Variants in SIAH3 observed in about 807,000 individuals in gnomAD.
The protein encoded by SIAH3 is siah E3 ubiquitin protein ligase family member 3.
A neutral mutation model predicts 12.6 loss-of-function variants in SIAH3; 9 were observed. That is an observed-to-expected ratio of 0.72 (90% confidence interval 0.43 to 1.25). The LOEUF (loss-of-function observed/expected upper bound fraction) is 1.25. SIAH3 is among the 50% of genes most tolerant of loss of function. The pLI, the probability that SIAH3 is intolerant of heterozygous loss-of-function variation, is 0.00. For synonymous variants in SIAH3, 154 were observed against 151.1 expected, an observed-to-expected ratio of 1.02 and a Z score of -0.14; for missense variants, 390 against 365.4, an observed-to-expected ratio of 1.07 and a Z score of -0.55.
rs377062538 is a variant in SIAH3, at chr13:45,815,474, G to T, written c.136-31417C>A. Among the ~76,000 whole-genome samples, 3 of 152,252 alleles carry T rather than the reference G, an allele frequency of 2.0e-5. 1 individual carries two copies. In the East Asian group the frequency reaches 5.8e-4, roughly 29 times the overall value. On this transcript the variant is annotated intron_variant, in intron 1 of 1. Transcript: ENST00000400405. The stretch of plus-strand genomic sequence containing the variant: ...CCTGCCTGCCTGTTCTGTGGACTTT[G>T]AACTTACCAGGATCGCATGAGCCAA...
At chr13:45,839,423 C>A (rs2137582013) in intron 1 of SIAH3, among the ~76,000 whole-genome samples, 1 of 152,248 alleles carries the variant, frequency 6.6e-6, no homozygotes, top group South Asian at 2.1e-4. Context: ...ACCAGGTAAC[C>A]CATTTCTTAA....
At chr13:45,795,664 A>G (rs931267163) in intron 1 of SIAH3, among the ~76,000 whole-genome samples, 5 of 152,164 alleles carry the variant, frequency 3.3e-5, no homozygotes, top group Admixed American at 3.3e-4. Context: ...CATCCATGAA[A>G]CTGTGGCAGG....
At chr13:45,848,144 G>A (rs925030457) in intron 1 of SIAH3, among the ~76,000 whole-genome samples, 1 of 152,206 alleles carries the variant, frequency 6.6e-6, no homozygotes, top group Admixed American at 6.5e-5. Flanking sequence ...CCTGAAGTCT[G>A]CTCGTCACAT....
At chr13:45,851,415 G>A in intron 1 of SIAH3, 80 bp downstream of exon 1, 3 of 1,585,174 alleles carry the variant, frequency 1.9e-6, no homozygotes, top group Non-Finnish European at 2.6e-6. Context: ...GGCTGCACAC[G>A]TTCGCCGGAG....
At chr13:45,813,830 T>C (rs78881601) in intron 1 of SIAH3, among the ~76,000 whole-genome samples, 1 of 152,128 alleles carries the variant, frequency 6.6e-6, no homozygotes, top group Non-Finnish European at 1.5e-5. Flanking sequence ...AATACCATCA[T>C]AAGGGTTCTA....
rs1185400183 is a variant in SIAH3, at chr13:45,851,594, T to C, written c.36A>G (p.Leu12=). The change falls in exon 1 of 2, where the codon TTA becomes TTG. Residue 12 remains leucine, a synonymous_variant. Coordinates refer to ENST00000400405, the MANE Select transcript of SIAH3 (RefSeq NM_198849.3). ...LFFTQCFGAV[L]DLIHLRFQHY... ...GCTGAAACCGGAGATGAATGAGATCTAATACAGCCCCAAAGCACTGGGTAA... is the reference window on the plus strand; with the variant it reads ...GCTGAAACCGGAGATGAATGAGATCCAATACAGCCCCAAAGCACTGGGTAA... 6.2e-7 allele frequency: 1 copy of C among 1,614,184 alleles called. No homozygotes were observed. Among genetic ancestry groups the C allele is most frequent in the African/African-American group, 1.3e-5 (1 of 75,022 alleles).
At chr13:45,793,565 T>C (rs1950553121) in intron 1 of SIAH3, among the ~76,000 whole-genome samples, 1 of 152,200 alleles carries the variant, frequency 6.6e-6, no homozygotes, top group African/African-American at 2.4e-5. Context: ...TCTTCCCCAC[T>C]GTATCCGAAG....
intron 1 of SIAH3, among the ~76,000 whole-genome samples, chr13:45,803,704 A>G (rs1950589999): frequency 6.6e-6 from 1 of 152,154 alleles, no homozygotes; most frequent in Admixed American, 6.5e-5. Context: ...GAATGATGAG[A>G]AATTACACAG....
intron 1 of SIAH3, among the ~76,000 whole-genome samples, chr13:45,799,513 A>G (rs993993611): frequency 2.0e-5 from 3 of 152,182 alleles, no homozygotes; most frequent in African/African-American, 7.2e-5. Context: ...CACATGCCTC[A>G]TCTCACTTAA....
chr13:45,793,603 G>T (rs1950553223), intron 1 of SIAH3, among the ~76,000 whole-genome samples: 1 of 152,164 alleles, frequency 6.6e-6, no homozygotes, highest in Non-Finnish European at 1.5e-5. Context: ...GAACATGGTA[G>T]GTACCCGGGA....
chr13:45,842,307 A>G (rs1950742813), intron 1 of SIAH3, among the ~76,000 whole-genome samples: 1 of 152,204 alleles, frequency 6.6e-6, no homozygotes, highest in South Asian at 2.1e-4. Flanking sequence ...TGGAGTAATT[A>G]TAATATGCCA....
At chr13:45,811,021 A>G (rs992736261) in intron 1 of SIAH3, among the ~76,000 whole-genome samples, 11 of 152,194 alleles carry the variant, frequency 7.2e-5, no homozygotes, top group Non-Finnish European at 1.0e-4. Context: ...GATTAAGAGA[A>G]TGAGCTTTGG....
rs76229596 is a variant in SIAH3, at chr13:45,838,857, C to T, written c.135+12638G>A. Reference sequence around the variant, plus strand: ...TCCCTCCTTTCTCTGGCTTTTGACCCGGATACATGGCTTGTAGGCATCATC... The same window carrying T: ...TCCCTCCTTTCTCTGGCTTTTGACCTGGATACATGGCTTGTAGGCATCATC... On this transcript the variant is annotated intron_variant, in intron 1 of 1. Transcript: ENST00000400405. 6.8e-3 allele frequency among the ~76,000 whole-genome samples: 1,040 copies of T among 151,948 alleles called. 12 individuals are homozygous for T. The highest frequency in any genetic ancestry group is 0.023 in the African/African-American group (960 of 41,436).
intron 1 of SIAH3, among the ~76,000 whole-genome samples, chr13:45,806,013 A>G (rs1291799225): frequency 6.6e-6 from 1 of 152,194 alleles, no homozygotes; most frequent in African/African-American, 2.4e-5. Flanking sequence ...AATCAAAACC[A>G]CAATGAGATG....
At chr13:45,804,801 T>A (rs935885188) in intron 1 of SIAH3, among the ~76,000 whole-genome samples, 1 of 152,036 alleles carries the variant, frequency 6.6e-6, no homozygotes, top group Non-Finnish European at 1.5e-5. Context: ...ATGACATGAT[T>A]CTATACCTAG....
At chr13:45,808,579 A>G (rs1950605945) in intron 1 of SIAH3, among the ~76,000 whole-genome samples, 1 of 152,226 alleles carries the variant, frequency 6.6e-6, no homozygotes, top group South Asian at 2.1e-4. Context: ...AAAACCAATA[A>G]ATACATTCTG....
At chr13:45,846,288 C>T (rs918337699) in intron 1 of SIAH3, among the ~76,000 whole-genome samples, 2 of 151,854 alleles carry the variant, frequency 1.3e-5, no homozygotes, top group South Asian at 2.1e-4. Context: ...GTGGGTTTTA[C>T]CATGTTGGCC....
intron 1 of SIAH3, among the ~76,000 whole-genome samples, chr13:45,804,809 T>C (rs989459169): frequency 6.6e-6 from 1 of 152,034 alleles, no homozygotes; most frequent in African/African-American, 2.4e-5. Context: ...ATTCTATACC[T>C]AGAAAACCCT....
At chr13:45,827,519 C>T (rs1950683165) in intron 1 of SIAH3, among the ~76,000 whole-genome samples, 1 of 152,196 alleles carries the variant, frequency 6.6e-6, no homozygotes, top group Non-Finnish European at 1.5e-5. Flanking sequence ...CATGTCCAAT[C>T]CAGGCCTGGA....
Sources: allele counts gnomAD v4.1 joint callset (sites outside exome capture counted in the v4.1 genomes callset), GRCh38; gene constraint gnomAD v4.1.1; transcripts MANE v1.5; gene names NCBI Gene and HGNC (gene_info 2026-07-23, HGNC 2026-07-21).